Variants in CAST observed in about 807,000 individuals in gnomAD.
CAST encodes the protein MIR583 host.
CAST carries 76 observed loss-of-function variants against 119.6 expected under a neutral mutation model. The observed-to-expected ratio is 0.64, with a 90% CI of 0.53 to 0.77. CAST has a LOEUF of 0.77. CAST is among the 30% of genes least tolerant of loss of function. The probability of loss-of-function intolerance (pLI) is 0.00; values close to 1 mark genes in which losing one functional copy is unlikely to be tolerated. For missense variants in CAST, 953 were observed against 946.5 expected (o/e 1.01, Z -0.09); for synonymous variants, 319 against 331.6 (o/e 0.96, Z 0.41).
chr5:96,065,761 G>C, the CAST span, among the ~76,000 whole-genome samples: 1 of 152,106 alleles, frequency 6.6e-6, no homozygotes, highest in Non-Finnish European at 1.5e-5. Flanking sequence ...TTCTCTTTGT[G>C]CTGAGATGAC....
the CAST span, among the ~76,000 whole-genome samples, chr5:96,243,457 T>C: frequency 6.6e-6 from 1 of 152,128 alleles, no homozygotes; most frequent in Admixed American, 6.5e-5. Context: ...TTTACATTTT[T>C]AAAATTTTTT....
At chr5:96,614,548 T>G (rs1747419619) in intron 1 of CAST, among the ~76,000 whole-genome samples, 1 of 152,180 alleles carries the variant, frequency 6.6e-6, no homozygotes, top group Admixed American at 6.5e-5. Context: ...TTTGAAATGT[T>G]TGGCAGGGGA....
the CAST span, among the ~76,000 whole-genome samples, chr5:96,163,122 C>T: frequency 6.6e-6 from 1 of 152,030 alleles, no homozygotes; most frequent in Non-Finnish European, 1.5e-5. Context: ...TTGTTAGTTT[C>T]TGTTTTTCTA....
chr5:96,060,032 A>G, the CAST span, among the ~76,000 whole-genome samples: 2 of 152,298 alleles, frequency 1.3e-5, no homozygotes, highest in Admixed American at 6.5e-5. Context: ...AAGTAATAGC[A>G]CAATTATAGC....
the CAST span, among the ~76,000 whole-genome samples, chr5:96,402,513 T>A: frequency 2.6e-5 from 4 of 152,120 alleles, no homozygotes; most frequent in Admixed American, 2.0e-4. Flanking sequence ...TCCACTCCCG[T>A]ACTCTCTTGG....
chr5:96,742,656 A>T lies in CAST; in HGVS notation c.1100A>T (p.Asp367Val), dbSNP rs576705217. ...CACAGGATTTTTTACTTTTAACAGG[A>T]TACAATGAGTGATCAAGCACTCGAG... ...PQEKKRKVEK[D>V]TMSDQALEAL... Residue 367 changes from aspartate (D) to valine (V), a missense_variant and splice_region_variant, in exon 16 of 32, where the codon GAT (aspartate) becomes GTT (valine). By Grantham distance (152) the Asp-to-Val change is radical. Coordinates refer to ENST00000675179, the MANE Select transcript of CAST (RefSeq NM_001750.7). The T allele has an allele frequency of 6.8e-6, 11 of 1,607,674 alleles. No homozygotes were observed. Among genetic ancestry groups the T allele is most frequent in the African/African-American group, 6.7e-5 (5 of 74,902 alleles).
chr5:96,469,879 A>ATATATATAATATAT, the CAST span, among the ~76,000 whole-genome samples: 1 of 107,420 alleles, frequency 9.3e-6, no homozygotes, highest in East Asian at 2.1e-4. Flanking sequence ...ATATATATAT[A>ATATATATAATATAT]ATATATATAT....
chr5:96,370,818 T>G, the CAST span, among the ~76,000 whole-genome samples: 1 of 152,206 alleles, frequency 6.6e-6, no homozygotes, highest in East Asian at 1.9e-4. Flanking sequence ...GCACATCTAA[T>G]TCCTATTTTG....
chr5:96,262,969 C>T, the CAST span, among the ~76,000 whole-genome samples: 3 of 152,306 alleles, frequency 2.0e-5, no homozygotes, highest in East Asian at 5.8e-4. Context: ...AGCCCCTTCT[C>T]CTTTCTCCTA....
At chr5:96,663,203 A>G in intron 1 of CAST, 1 of 702,674 alleles carries the variant, frequency 1.4e-6, no homozygotes, top group Non-Finnish European at 2.6e-6. Flanking sequence ...AGGACCCGGA[A>G]GGGAGTGTGT....
At position 96,754,225 on chromosome 5, in the gene CAST, A is replaced by T. The variant is rs569106130; in HGVS notation, c.1626+64A>T. The T allele has an allele frequency of 2.7e-4, 264 of 989,514 alleles. 1 individual carries two copies. Among genetic ancestry groups the T allele is most frequent in the Non-Finnish European group, 3.8e-4 (234 of 618,726 alleles). The allele number at this position is 989,514 out of a possible 1,614,324, so 61.3% of individuals were successfully genotyped here. Reference sequence around the variant, plus strand: ...TTGATCACCTTCTCCCCCTGCAAATAAGTTAGTCATTTGTTTTGTTTTTTA... The same window carrying T: ...TTGATCACCTTCTCCCCCTGCAAATTAGTTAGTCATTTGTTTTGTTTTTTA... On this transcript the variant is annotated intron_variant, in intron 21 of 31. Coordinates refer to ENST00000675179, the MANE Select transcript of CAST (RefSeq NM_001750.7).
In CAST at chr5:96,774,620, A is replaced by G. The variant is rs868040902; in HGVS notation, c.*2004A>G. The G allele has an allele frequency of 1.9e-4, 188 of 985,390 alleles. No individual in the cohort carries two copies. The highest frequency in any genetic ancestry group is 2.1e-4 in the Non-Finnish European group (171 of 829,852). The allele number at this position is 985,390 out of a possible 1,614,324, so 61.0% of individuals were successfully genotyped here. A position where few individuals can be genotyped will look rare whatever the true frequency, so the allele number is the denominator to read the frequency against. On this transcript the variant is annotated 3_prime_UTR_variant, in exon 32 of 32. Transcript: ENST00000675179. Reference sequence around the variant, plus strand: ...CTCAGGTGACCAAAACTGAAAATCAATATTTCCATGTTTCATTAATCAAGG... The same window carrying G: ...CTCAGGTGACCAAAACTGAAAATCAGTATTTCCATGTTTCATTAATCAAGG...
At chr5:96,573,322 C>T (rs1160620849) in intron 1 of CAST, among the ~76,000 whole-genome samples, 1 of 151,952 alleles carries the variant, frequency 6.6e-6, no homozygotes, top group Admixed American at 6.6e-5. Context: ...GTTATTGAGG[C>T]ATAATTTACA....
the CAST span, among the ~76,000 whole-genome samples, chr5:96,374,244 CTCTT>C: frequency 6.6e-6 from 1 of 152,134 alleles, no homozygotes; most frequent in African/African-American, 2.4e-5. Flanking sequence ...AACGTCCTCC[CTCTT>C]TCTTTATTTT....
At chr5:96,346,579 C>A in the CAST span, among the ~76,000 whole-genome samples, 6 of 152,246 alleles carry the variant, frequency 3.9e-5, no homozygotes, top group Admixed American at 2.0e-4. Context: ...ACTGGATACA[C>A]AGTACCACAT....
At chr5:96,466,937 AC>A in the CAST span, among the ~76,000 whole-genome samples, 1 of 152,146 alleles carries the variant, frequency 6.6e-6, no homozygotes, top group Non-Finnish European at 1.5e-5. Flanking sequence ...GAATGGTTGT[AC>A]CAGTTTGCAT....
At chr5:96,379,965 T>C in the CAST span, among the ~76,000 whole-genome samples, 1 of 152,130 alleles carries the variant, frequency 6.6e-6, no homozygotes, top group African/African-American at 2.4e-5. Flanking sequence ...AACAGGACCA[T>C]TTCTGGTTCA....
the CAST span, among the ~76,000 whole-genome samples, chr5:96,302,670 A>G: frequency 6.6e-6 from 1 of 152,216 alleles, no homozygotes; most frequent in Admixed American, 6.5e-5. Context: ...AGTTCTACGG[A>G]TCCCTAGAGC....
the CAST span, among the ~76,000 whole-genome samples, chr5:96,314,122 G>C: frequency 1.3e-5 from 2 of 152,156 alleles, no homozygotes; most frequent in Non-Finnish European, 2.9e-5. Flanking sequence ...TGTTAGAAGA[G>C]TTTTTGCTCA....
Sources: allele counts gnomAD v4.1 joint callset (sites outside exome capture counted in the v4.1 genomes callset), GRCh38; gene constraint gnomAD v4.1.1; transcripts MANE v1.5; gene names NCBI Gene and HGNC (gene_info 2026-07-23, HGNC 2026-07-21).